SERP2: variants seen among roughly 807,000 people sequenced by gnomAD.
SERP2 encodes stress-associated endoplasmic reticulum protein 2.
Under a neutral mutation model 9.1 loss-of-function variants are expected in SERP2, and 6 were observed. That is an observed-to-expected ratio of 0.66 (90% CI 0.36 to 1.30). The LOEUF (loss-of-function observed/expected upper bound fraction) is 1.30. SERP2 is among the 50% of genes most tolerant of loss of function. SERP2 has a pLI of 0.03. For missense variants in SERP2, 58 were observed against 81.9 expected (o/e 0.71, Z 1.13); for synonymous variants, 37 against 27.3 (o/e 1.35, Z -1.10).
intron 2 of SERP2, among the ~76,000 whole-genome samples, chr13:44,381,245 A>C (rs1053748912): frequency 6.6e-6 from 1 of 150,890 alleles, no homozygotes; most frequent in Non-Finnish European, 1.5e-5. Flanking sequence ...TCTCAAAAAA[A>C]AAAAAAAAAA....
chr13:44,397,386 G>A lies in SERP2; in HGVS notation c.*74G>A. On this transcript the variant is annotated 3_prime_UTR_variant, in exon 3 of 3. Coordinates refer to ENST00000379179, the MANE Select transcript of SERP2 (RefSeq NM_001010897.3). ...CAACGGAAGCGGTCAGCCAGTTTCT[G>A]CGGGAAACAAGCAGGCCACACGGAA... is the stretch of plus-strand genomic sequence containing the variant. The A allele has an allele frequency of 8.4e-7, 1 of 1,185,884 alleles. No individual in the cohort carries two copies. Among genetic ancestry groups the A allele is most frequent in the South Asian group, 1.2e-5 (1 of 82,482 alleles). 73.5% of individuals were successfully genotyped at this position (1,185,884 alleles called of 1,614,324 possible).
chr13:44,382,525 G>T (rs183155929), intron 2 of SERP2, among the ~76,000 whole-genome samples: 173 of 151,160 alleles, frequency 1.1e-3, no homozygotes, highest in African/African-American at 4.1e-3. Context: ...AAATAAACCT[G>T]TACAAAAAAG....
intron 2 of SERP2, among the ~76,000 whole-genome samples, chr13:44,391,938 G>A (rs1184430411): frequency 1.3e-5 from 2 of 151,276 alleles, no homozygotes; most frequent in Non-Finnish European, 3.0e-5. Flanking sequence ...TCTCACTCCT[G>A]TAAATCCCAG....
rs776906269 is a variant in SERP2 at position 44,379,631 on chromosome 13, T to C, written c.85-10T>C. On this transcript the variant is annotated splice_polypyrimidine_tract_variant and intron_variant, in intron 1 of 2. Coordinates refer to ENST00000379179, the MANE Select transcript of SERP2 (RefSeq NM_001010897.3). The stretch of plus-strand genomic sequence containing the variant: ...TGAACCTAATCTTACTTTTTCCCAT[T>C]CCCTTTTAGAGGCCGCAAGAGGAGA... 5.0e-6 allele frequency: 8 copies of C among 1,605,788 alleles called. No homozygotes were observed. Among genetic ancestry groups the C allele is most frequent in the Non-Finnish European group, 5.1e-6 (6 of 1,174,844 alleles).
At chr13:44,389,132 T>C (rs746899481) in intron 2 of SERP2, among the ~76,000 whole-genome samples, 2 of 152,200 alleles carry the variant, frequency 1.3e-5, no homozygotes, top group Non-Finnish European at 2.9e-5. Flanking sequence ...CTGAAATCTT[T>C]TGGGGACACA....
At chr13:44,382,286 A>C (rs1402112112) in intron 2 of SERP2, among the ~76,000 whole-genome samples, 3 of 151,856 alleles carry the variant, frequency 2.0e-5, no homozygotes, top group African/African-American at 7.3e-5. Context: ...AATACAAAAA[A>C]ATTAGCCGGA....
intron 2 of SERP2, among the ~76,000 whole-genome samples, chr13:44,393,522 GC>G (rs1872904012): frequency 6.6e-6 from 1 of 152,110 alleles, no homozygotes; most frequent in African/African-American, 2.4e-5. Context: ...ACCTGCCCAC[GC>G]CCTGATCGCC....
At position 44,374,068 on chromosome 13, in the gene SERP2, A is replaced by C; in HGVS notation, c.43A>C (p.Ser15Arg). ...QRIRMANEKH[S>R]KNITQRGNVA... ...GATCCGGATGGCTAACGAGAAGCAC[A>C]GCAAAAACATCACCCAGAGGGGGAA... is the stretch of plus-strand genomic sequence containing the variant. The change falls in exon 1 of 3, where the codon AGC becomes CGC. Residue 15 changes from serine to arginine, a missense_variant. Transcript: ENST00000379179. 1.3e-6 allele frequency: 2 copies of C among 1,586,090 alleles called. No individual in the cohort carries two copies. The highest frequency in any genetic ancestry group is 1.7e-6 in the Non-Finnish European group (2 of 1,166,794).
At chr13:44,382,563 A>C (rs1421195035) in intron 2 of SERP2, among the ~76,000 whole-genome samples, 1 of 152,174 alleles carries the variant, frequency 6.6e-6, no homozygotes, top group Non-Finnish European at 1.5e-5. Context: ...CTGTATGACC[A>C]GTCTGTAGAT....
chr13:44,396,828 G>A (rs1020740545), intron 2 of SERP2, among the ~76,000 whole-genome samples: 1 of 152,170 alleles, frequency 6.6e-6, no homozygotes, highest in Admixed American at 6.5e-5. Context: ...GGGCTGCTCC[G>A]AGCACCTGGT....
intron 2 of SERP2, among the ~76,000 whole-genome samples, chr13:44,386,862 C>T (rs1006147014): frequency 6.6e-6 from 1 of 152,210 alleles, no homozygotes; most frequent in African/African-American, 2.4e-5. Flanking sequence ...ACTTGATCTA[C>T]TAGGACCCAG....
chr13:44,397,307 A>G lies in SERP2; in HGVS notation c.193A>G (p.Met65Val). The G allele has an allele frequency of 6.2e-7, 1 of 1,613,304 alleles. No homozygotes were observed. Among genetic ancestry groups the G allele is most frequent in the Non-Finnish European group, 8.5e-7 (1 of 1,179,304 alleles). Reference sequence around the variant, plus strand: ...GATCATTCAGAGCATAAGGATGGGCATGTGAGAAAGCCAGGGATTTGACAC... The same window carrying G: ...GATCATTCAGAGCATAAGGATGGGCGTGTGAGAAAGCCAGGGATTTGACAC... ...FQIIQSIRMG[M>V] Residue 65 changes from methionine to valine, a missense_variant, in exon 3 of 3, where the codon ATG (methionine) becomes GTG (valine). Physicochemically the swap from Met to Val is conservative, Grantham distance 21. Transcript: ENST00000379179.
Position 44,374,074 on chromosome 13 carries a change from A to C in SERP2, c.49A>C (p.Asn17His). ...IRMANEKHSK[N>H]ITQRGNVAKT... ...GATGGCTAACGAGAAGCACAGCAAA[A>C]ACATCACCCAGAGGGGGAACGTAGC... is the stretch of plus-strand genomic sequence containing the variant. The change falls in exon 1 of 3, where the codon AAC (asparagine) becomes CAC (histidine). Residue 17 changes from asparagine to histidine, a missense_variant. Transcript: ENST00000379179. 6.3e-7 allele frequency: 1 copy of C among 1,587,246 alleles called. No individual in the cohort carries two copies. The highest frequency in any genetic ancestry group is 8.6e-7 in the Non-Finnish European group (1 of 1,167,618).
In SERP2 at chr13:44,379,637, T is replaced by G. The variant is rs1871849480; in HGVS notation, c.85-4T>G. 1.2e-5 allele frequency: 19 copies of G among 1,609,550 alleles called. No homozygotes were observed. The highest frequency in any genetic ancestry group is 1.6e-5 in the Non-Finnish European group (19 of 1,177,578). ...TAATCTTACTTTTTCCCATTCCCTTTTAGAGGCCGCAAGAGGAGAAATATC... is the reference window on the plus strand; with the variant it reads ...TAATCTTACTTTTTCCCATTCCCTTGTAGAGGCCGCAAGAGGAGAAATATC... On this transcript the variant is annotated splice_polypyrimidine_tract_variant and splice_region_variant and intron_variant, in intron 1 of 2. Coordinates refer to ENST00000379179, the MANE Select transcript of SERP2 (RefSeq NM_001010897.3).
chr13:44,385,181 T>C (rs908243122), intron 2 of SERP2, among the ~76,000 whole-genome samples: 2 of 152,226 alleles, frequency 1.3e-5, no homozygotes, highest in Non-Finnish European at 2.9e-5. Context: ...CAGTTGTGGG[T>C]CACTGCCATC....
At chr13:44,374,338 G>A (rs891323035) in intron 1 of SERP2, among the ~76,000 whole-genome samples, 8 of 152,152 alleles carry the variant, frequency 5.3e-5, no homozygotes, top group African/African-American at 1.4e-4. Flanking sequence ...TGGCCCCTCT[G>A]GGAGTGGCTA....
At chr13:44,379,217 C>G (rs1286355221) in intron 1 of SERP2, among the ~76,000 whole-genome samples, 1 of 152,174 alleles carries the variant, frequency 6.6e-6, no homozygotes, top group Non-Finnish European at 1.5e-5. Context: ...AACTTTGAGC[C>G]TCAGTTTCTC....
intron 2 of SERP2, among the ~76,000 whole-genome samples, chr13:44,392,216 C>T (rs1211619883): frequency 1.0e-4 from 1 of 9,778 alleles, no homozygotes; most frequent in Non-Finnish European, 2.8e-4. Context: ...AAAAAAAAGC[C>T]CTGTGGTGAG....
At chr13:44,396,466 GTAGT>G (rs1873111643) in intron 2 of SERP2, among the ~76,000 whole-genome samples, 1 of 151,536 alleles carries the variant, frequency 6.6e-6, no homozygotes, top group South Asian at 2.1e-4. Flanking sequence ...TCAATACATG[GTAGT>G]TACTCTTATC....
Sources: gnomAD v4.1 joint callset for allele counts (sites outside exome capture counted in the v4.1 genomes callset) on GRCh38, gnomAD v4.1.1 for gene constraint, MANE v1.5 for transcripts, NCBI Gene and HGNC (gene_info 2026-07-23, HGNC 2026-07-21) for gene names.